UQCRB: variants seen among roughly 807,000 people sequenced by gnomAD.
UQCRB encodes the protein cytochrome b-c1 complex subunit 7.
Under a neutral mutation model 19.8 loss-of-function variants are expected in UQCRB, and 12 were observed. That is an observed-to-expected ratio of 0.61 (90% CI 0.39 to 0.98). The LOEUF is 0.98. Ranked by LOEUF, UQCRB falls within the 50% of genes least tolerant of loss-of-function variation. UQCRB has a pLI of 0.00. For synonymous variants in UQCRB, 39 were observed against 42.9 expected (o/e 0.91, Z 0.35); for missense variants, 142 against 131.8 (o/e 1.08, Z -0.38).
At position 96,231,595 on chromosome 8, in the gene UQCRB, A is replaced by G. The variant is rs767287377; in HGVS notation, c.258+179T>C. On this transcript the variant is annotated intron_variant, in intron 3 of 3. Coordinates refer to ENST00000287022, the MANE Select transcript of UQCRB (RefSeq NM_006294.5). ...TTAGTAATTTCAGAAGAATCATTTCACACGTAAGACTCAATGTGGTTTTCT... is the reference window on the plus strand; with the variant it reads ...TTAGTAATTTCAGAAGAATCATTTCGCACGTAAGACTCAATGTGGTTTTCT... 1.8e-5 allele frequency: 24 copies of G among 1,328,036 alleles called. No homozygotes were observed. The East Asian group carries it at 6.0e-4, about 33-fold the overall frequency. The allele number at this position is 1,328,036 out of a possible 1,614,324, so 82.3% of individuals were successfully genotyped here.
At chr8:96,234,704 T>C (rs577453914) in intron 1 of UQCRB, 149 of 381,238 alleles carry the variant, frequency 3.9e-4, no homozygotes, top group African/African-American at 2.7e-3. Flanking sequence ...TCCAACTTGG[T>C]TGCATTGCAG....
In UQCRB at chr8:96,226,014, T is replaced by G. The variant is rs914447755; in HGVS notation, c.*5041A>C. ...CAGGAGGCGCTACTGGTACCTATCG[T>G]GTAGAAGCCAGGATGCTGCTAAATA... On this transcript the variant is annotated 3_prime_UTR_variant, in exon 4 of 4. Transcript: ENST00000287022. 1 of 152,144 alleles carries G rather than the reference T, an allele frequency of 6.6e-6. No individual in the cohort carries two copies. Among genetic ancestry groups the G allele is most frequent in the African/African-American group, 2.4e-5 (1 of 41,442 alleles). 9.4% of individuals were successfully genotyped at this position (152,144 alleles called of 1,614,324 possible). A position where few individuals can be genotyped will look rare whatever the true frequency, so the allele number is the denominator to read the frequency against.
chr8:96,224,449 G>A lies in UQCRB; in HGVS notation c.*6606C>T, dbSNP rs902103618. 5.9e-5 allele frequency among the ~76,000 whole-genome samples: 9 copies of A among 152,152 alleles called. No individual in the cohort carries two copies. Among genetic ancestry groups the A allele is most frequent in the Non-Finnish European group, 1.3e-4 (9 of 68,030 alleles). The stretch of plus-strand genomic sequence containing the variant: ...CCAGAAGGCAAAAGTGTCTATTTGT[G>A]CAGTCTTTACATCAATTTATCTCTC... On this transcript the variant is annotated 3_prime_UTR_variant, in exon 4 of 4. Coordinates refer to ENST00000287022, the MANE Select transcript of UQCRB (RefSeq NM_006294.5).
Position 96,225,287 on chromosome 8 carries a change from CAA to C in UQCRB, c.*5766_*5767del, listed in dbSNP as rs1809508300. ...ACAAGAAACTCTCCAACCAAATTCA[CAA>C]AGATTGCTTTTAATGAGAGCACTCA... On this transcript the variant is annotated 3_prime_UTR_variant, in exon 4 of 4. Coordinates refer to ENST00000287022, the MANE Select transcript of UQCRB (RefSeq NM_006294.5). 6.6e-6 allele frequency among the ~76,000 whole-genome samples: 1 copy of C among 152,198 alleles called. No homozygotes were observed. The highest frequency in any genetic ancestry group is 1.5e-5 in the Non-Finnish European group (1 of 68,042).
chr8:96,225,568 C>A lies in UQCRB; in HGVS notation c.*5487G>T, dbSNP rs1324499661. The stretch of plus-strand genomic sequence containing the variant: ...GTCTCTCCAGCTGATATTTGCCACT[C>A]CATCAGTGCAAAACTGCCTGTCCTT... On this transcript the variant is annotated 3_prime_UTR_variant, in exon 4 of 4. Coordinates refer to ENST00000287022, the MANE Select transcript of UQCRB (RefSeq NM_006294.5). Among the ~76,000 whole-genome samples, 1 of 151,988 alleles carries A rather than the reference C, an allele frequency of 6.6e-6. No homozygotes were observed. The highest frequency in any genetic ancestry group is 6.6e-5 in the Admixed American group (1 of 15,252).
At chr8:96,235,060 TATC>T (rs1198796130) in intron 1 of UQCRB, 3 of 274,286 alleles carry the variant, frequency 1.1e-5, no homozygotes, top group African/African-American at 6.7e-5. Context: ...TCAGTTATCT[TATC>T]AGCGTAAAAG....
In UQCRB at chr8:96,230,691, C is replaced by A; in HGVS notation, c.*364G>T. 2.1e-6 allele frequency: 1 copy of A among 472,328 alleles called. No individual in the cohort carries two copies. Among genetic ancestry groups the A allele is most frequent in the Non-Finnish European group, 4.2e-6 (1 of 239,400 alleles). The allele number at this position is 472,328 out of a possible 1,614,324, so 29.3% of individuals were successfully genotyped here. A position where few individuals can be genotyped will look rare whatever the true frequency, so the allele number is the denominator to read the frequency against. ...TGAAGAGGCTATTTCTCAATCTTGG[C>A]AAACTAGGGGGTGCATACCCCCTTC... On this transcript the variant is annotated 3_prime_UTR_variant, in exon 4 of 4. Coordinates refer to ENST00000287022, the MANE Select transcript of UQCRB (RefSeq NM_006294.5).
chr8:96,233,120 C>T lies in UQCRB; in HGVS notation c.91+36G>A, dbSNP rs141771007. 1,219 of 1,586,240 alleles carry T rather than the reference C, an allele frequency of 7.7e-4. 8 individuals are homozygous for T. The African/African-American group carries it at 0.013, about 17-fold the overall frequency. Reference sequence around the variant, plus strand: ...AAAAAAAAAAACAAAGAAACAACAACAACAACAAAAAACATTAAACAGCAC... The same window carrying T: ...AAAAAAAAAAACAAAGAAACAACAATAACAACAAAAAACATTAAACAGCAC... On this transcript the variant is annotated intron_variant, in intron 2 of 3. Coordinates refer to ENST00000287022, the MANE Select transcript of UQCRB (RefSeq NM_006294.5).
rs1809649132 is a variant in UQCRB, at chr8:96,230,727, T to C, written c.*328A>G. The C allele has an allele frequency of 4.0e-6, 2 of 501,256 alleles. No homozygotes were observed. The highest frequency in any genetic ancestry group is 7.8e-6 in the Non-Finnish European group (2 of 257,978). 31.1% of individuals were successfully genotyped at this position (501,256 alleles called of 1,614,324 possible). On this transcript the variant is annotated 3_prime_UTR_variant, in exon 4 of 4. Transcript: ENST00000287022. ...GTGCATACCCCCTTCTTTTATTCAGTAGCTTCCATAAGGATGTAACTTACG... is the reference window on the plus strand; with the variant it reads ...GTGCATACCCCCTTCTTTTATTCAGCAGCTTCCATAAGGATGTAACTTACG...
Position 96,235,500 on chromosome 8 carries a change from C to A in UQCRB, c.19+12G>T. 1.2e-6 allele frequency: 2 copies of A among 1,614,232 alleles called. No homozygotes were observed. The highest frequency in any genetic ancestry group is 1.7e-6 in the Non-Finnish European group (2 of 1,180,046). On this transcript the variant is annotated intron_variant, in intron 1 of 3. Transcript: ENST00000287022. ...GCGACGATGCCGGCCAAGAAGACCC[C>A]CAGTTACTTACCGGCCTGCTTACCA...
chr8:96,227,390 G>A lies in UQCRB; in HGVS notation c.*3665C>T, dbSNP rs954287701. 12 of 453,978 alleles carry A rather than the reference G, an allele frequency of 2.6e-5. No homozygotes were observed. The highest frequency in any genetic ancestry group is 2.2e-5 in the Non-Finnish European group (5 of 226,788). The allele number at this position is 453,978 out of a possible 1,614,324, so 28.1% of individuals were successfully genotyped here. A position where few individuals can be genotyped will look rare whatever the true frequency, so the allele number is the denominator to read the frequency against. On this transcript the variant is annotated 3_prime_UTR_variant, in exon 4 of 4. Transcript: ENST00000287022. ...ATAGTGCTCGTGTGATGTACACTAA[G>A]TTGTAAAGTTATAGGGCATCGCCAC...
rs756274891 is a variant in UQCRB, at chr8:96,224,289, G to A, written c.*6766C>T. ...AGGGAGAGCTGTAGGAATCTTGAGA[G>A]GGGCTGCCTGACAGGAGCTGTAGCT... On this transcript the variant is annotated 3_prime_UTR_variant, in exon 4 of 4. Transcript: ENST00000287022. Among the ~76,000 whole-genome samples the A allele has an allele frequency of 6.6e-6, 1 of 152,198 alleles. No homozygotes were observed. The highest frequency in any genetic ancestry group is 1.5e-5 in the Non-Finnish European group (1 of 68,044).
chr8:96,226,797 TATAATC>T lies in UQCRB; in HGVS notation c.*4252_*4257del. The T allele has an allele frequency of 2.3e-6, 1 of 438,798 alleles. No homozygotes were observed. The highest frequency in any genetic ancestry group is 1.7e-5 in the South Asian group (1 of 60,274). The allele number at this position is 438,798 out of a possible 1,614,324, so 27.2% of individuals were successfully genotyped here. On this transcript the variant is annotated 3_prime_UTR_variant, in exon 4 of 4. Coordinates refer to ENST00000287022, the MANE Select transcript of UQCRB (RefSeq NM_006294.5). Reference sequence around the variant, plus strand: ...TAATACACTCTTTCTTTGTAGGAGATATAATCAGAATCCAGAATGACAATTTAAATA... The same window carrying T: ...TAATACACTCTTTCTTTGTAGGAGATAGAATCCAGAATGACAATTTAAATA...
At chr8:96,233,739 G>A (rs1017275895) in intron 1 of UQCRB, 3 of 153,974 alleles carry the variant, frequency 1.9e-5, no homozygotes, top group African/African-American at 7.2e-5. Flanking sequence ...AGGTCTAAAT[G>A]ACCCTCATCC....
chr8:96,231,608 A>G (rs1303474556), intron 3 of UQCRB, 166 bp downstream of exon 3: 15 of 1,323,976 alleles, frequency 1.1e-5, no homozygotes, highest in Admixed American at 2.0e-5. Flanking sequence ...CGTAAGACTC[A>G]ATGTGGTTTT....
chr8:96,234,375 G>T, intron 1 of UQCRB: 1 of 548,236 alleles, frequency 1.8e-6, no homozygotes, highest in Non-Finnish European at 3.0e-6. Flanking sequence ...ACCAACATTA[G>T]CTGATTTATT....
At chr8:96,231,179 AT>A (rs764189411) in intron 3 of UQCRB, 47 bp from the exon 4 acceptor site, 1 of 1,614,156 alleles carries the variant, frequency 6.2e-7, no homozygotes, top group Non-Finnish European at 8.5e-7. Context: ...GTACTGATAT[AT>A]CCCAAACACT....
At position 96,235,501 on chromosome 8, in the gene UQCRB, C is replaced by CA. The variant is rs1322048509; in HGVS notation, c.19+10dup. The CA allele has an allele frequency of 1.9e-6, 3 of 1,614,110 alleles. No homozygotes were observed. In the African/African-American group the frequency reaches 4.0e-5, roughly 22 times the overall value. ...CGACGATGCCGGCCAAGAAGACCCC[C>CA]AGTTACTTACCGGCCTGCTTACCAG... is the stretch of plus-strand genomic sequence containing the variant. On this transcript the variant is annotated intron_variant, in intron 1 of 3. Transcript: ENST00000287022.
intron 3 of UQCRB, chr8:96,231,365 G>C: frequency 6.5e-7 from 1 of 1,542,696 alleles, no homozygotes; most frequent in Non-Finnish European, 8.7e-7. Context: ...AAAAAGAAAT[G>C]AATGTCCACA....
Sources: allele counts gnomAD v4.1 joint callset (sites outside exome capture counted in the v4.1 genomes callset), GRCh38; gene constraint gnomAD v4.1.1; transcripts MANE v1.5; gene names NCBI Gene and HGNC (gene_info 2026-07-23, HGNC 2026-07-21).